The following RASEF variants were observed in gnomAD, a reference collection of about 807,000 sequenced individuals.
RASEF encodes the protein RAS and EF-hand domain containing.
In RASEF, 68 loss-of-function variants were observed where a neutral mutation model predicts 90.1. That is an observed-to-expected ratio of 0.75 (90% confidence interval 0.62 to 0.92). RASEF has a LOEUF of 0.92. Ranked by LOEUF, RASEF falls within the 40% of genes least tolerant of loss-of-function variation. The pLI, the probability that RASEF is intolerant of heterozygous loss-of-function variation, is 0.00. For missense variants in RASEF, 949 were observed against 937.2 expected (o/e 1.01, Z -0.16); for synonymous variants, 331 against 345.2 (o/e 0.96, Z 0.46).
At chr9:83,188,076 G>A in the RASEF span, among the ~76,000 whole-genome samples, 1 of 152,006 alleles carries the variant, frequency 6.6e-6, no homozygotes, top group Non-Finnish European at 1.5e-5. Flanking sequence ...GCCCCTAATG[G>A]TTATTAATAT....
the RASEF span, among the ~76,000 whole-genome samples, chr9:83,123,237 C>CAAAAAAAA: frequency 7.2e-5 from 6 of 83,426 alleles, 1 homozygote; most frequent in African/African-American, 2.3e-4. Flanking sequence ...GAGACTCCAT[C>CAAAAAAAA]AAAAAAAAAA....
the RASEF span, among the ~76,000 whole-genome samples, chr9:83,097,496 T>A: frequency 6.6e-6 from 1 of 152,142 alleles, no homozygotes; most frequent in Non-Finnish European, 1.5e-5. Context: ...ATTTTTGCAA[T>A]CTACTCATCT....
chr9:83,144,780 G>A, the RASEF span, among the ~76,000 whole-genome samples: 3 of 152,178 alleles, frequency 2.0e-5, no homozygotes, highest in Admixed American at 6.6e-5. Context: ...CAGCATGGAA[G>A]AAGAGATAAA....
chr9:83,105,713 C>A, the RASEF span, among the ~76,000 whole-genome samples: 249 of 152,314 alleles, frequency 1.6e-3, 2 homozygotes, highest in Middle Eastern at 0.01. Context: ...GTAAACGCTA[C>A]GAAAATGTGT....
At chr9:83,032,936 T>C (rs978373148) in intron 1 of RASEF, among the ~76,000 whole-genome samples, 1 of 152,152 alleles carries the variant, frequency 6.6e-6, no homozygotes. Flanking sequence ...ACCACTGATC[T>C]CAGGACATCT....
At chr9:83,111,594 T>C in the RASEF span, among the ~76,000 whole-genome samples, 1 of 152,132 alleles carries the variant, frequency 6.6e-6, no homozygotes, top group African/African-American at 2.4e-5. Flanking sequence ...TATCAAAACA[T>C]AACATTGTTC....
At chr9:83,049,637 G>C (rs56729586) in intron 1 of RASEF, among the ~76,000 whole-genome samples, 5,403 of 143,042 alleles carry the variant, frequency 0.038, 297 homozygotes, top group African/African-American at 0.11. Flanking sequence ...TGCGCTGCAC[G>C]CACTAACGTG....
the RASEF span, among the ~76,000 whole-genome samples, chr9:83,196,982 G>C: frequency 6.6e-6 from 1 of 152,208 alleles, no homozygotes; most frequent in Non-Finnish European, 1.5e-5. Context: ...CAGAAAGAAA[G>C]AGCTCTTCTT....
intron 15 of RASEF, among the ~76,000 whole-genome samples, chr9:82,991,294 T>G (rs1828809630): frequency 6.6e-6 from 1 of 152,204 alleles, no homozygotes; most frequent in Admixed American, 6.5e-5. Context: ...TTCCTTGCAG[T>G]TAAGATTCAG....
chr9:83,136,061 G>A, the RASEF span, among the ~76,000 whole-genome samples: 1 of 151,680 alleles, frequency 6.6e-6, no homozygotes, highest in South Asian at 2.1e-4. Flanking sequence ...ATAGTAGCGG[G>A]ACTGCTTTGT....
the RASEF span, among the ~76,000 whole-genome samples, chr9:83,212,428 A>C: frequency 6.6e-6 from 1 of 152,256 alleles, no homozygotes. Flanking sequence ...TGGTCTGCCC[A>C]TGGAAAAGAA....
At chr9:83,044,132 TTTC>T (rs1344537697) in intron 1 of RASEF, among the ~76,000 whole-genome samples, 2 of 152,048 alleles carry the variant, frequency 1.3e-5, no homozygotes, top group Non-Finnish European at 2.9e-5. Flanking sequence ...CTGGAAAAAA[TTTC>T]TTCCTGTTCC....
chr9:83,043,870 C>T (rs1294371298), intron 1 of RASEF, among the ~76,000 whole-genome samples: 2 of 152,256 alleles, frequency 1.3e-5, no homozygotes, highest in Middle Eastern at 6.8e-3. Flanking sequence ...AGTGAGTCTG[C>T]GGTGGGACCT....
chr9:83,157,718 A>G, the RASEF span, among the ~76,000 whole-genome samples: 4 of 152,210 alleles, frequency 2.6e-5, no homozygotes, highest in Non-Finnish European at 5.9e-5. Flanking sequence ...AATTTCTGCA[A>G]TAAATCTTTT....
the RASEF span, among the ~76,000 whole-genome samples, chr9:83,192,565 G>A: frequency 6.6e-6 from 1 of 152,132 alleles, no homozygotes; most frequent in African/African-American, 2.4e-5. Flanking sequence ...GACAGTGAAG[G>A]GTGGAAGGAG....
At chr9:82,992,860 T>C (rs1828838554) in intron 15 of RASEF, 46 bp downstream of exon 15, 2 of 1,599,532 alleles carry the variant, frequency 1.3e-6, no homozygotes, top group Non-Finnish European at 1.7e-6. Context: ...TTCAAAGCCA[T>C]TAAACCCCAT....
chr9:83,174,980 TG>T, the RASEF span, among the ~76,000 whole-genome samples: 1 of 152,132 alleles, frequency 6.6e-6, no homozygotes, highest in Admixed American at 6.5e-5. Context: ...CCTATCACCT[TG>T]GAAAACTCAT....
intron 1 of RASEF, among the ~76,000 whole-genome samples, chr9:83,029,150 G>A (rs148175733): frequency 0.016 from 2,420 of 152,266 alleles, 21 homozygotes; most frequent in Middle Eastern, 0.027. Flanking sequence ...GTAACATGGT[G>A]GTTAAGTGGC....
At chr9:83,118,995 TTC>T in the RASEF span, among the ~76,000 whole-genome samples, 1 of 143,140 alleles carries the variant, frequency 7.0e-6, no homozygotes, top group South Asian at 2.3e-4. Context: ...ACTCAATTTT[TTC>T]TTTTTCTTTT....
Sources: allele counts gnomAD v4.1 joint callset (sites outside exome capture counted in the v4.1 genomes callset), GRCh38; gene constraint gnomAD v4.1.1; transcripts MANE v1.5; gene names NCBI Gene and HGNC (gene_info 2026-07-23, HGNC 2026-07-21).